The following AUTS2 variants were observed in gnomAD, a reference collection of about 807,000 sequenced individuals.
AUTS2 encodes activator of transcription and developmental regulator AUTS2, also known as autism susceptibility gene 2 protein.
A neutral mutation model predicts 112.4 loss-of-function variants in AUTS2; 17 were observed. That is an observed-to-expected ratio of 0.15 (90% CI 0.10 to 0.23). AUTS2 has a LOEUF of 0.23. Ranked by LOEUF, AUTS2 falls within the 10% of genes least tolerant of loss-of-function variation. The pLI is 1.00. For missense variants in AUTS2, 1,510 were observed against 1,701.6 expected, an observed-to-expected ratio of 0.89 and a Z score of 1.98; for synonymous variants, 751 against 702.7, an observed-to-expected ratio of 1.07 and a Z score of -1.09.
chr7:69,617,601 GA>G (rs1793447294), intron 1 of AUTS2, among the ~76,000 whole-genome samples: 2 of 152,146 alleles, frequency 1.3e-5, no homozygotes, highest in South Asian at 2.1e-4. Context: ...AGAAACAGCA[GA>G]AAGCAACTGT....
intron 15 of AUTS2, chr7:70,783,804 G>C (rs1448650615): frequency 2.0e-5 from 3 of 152,054 alleles, no homozygotes; most frequent in African/African-American, 7.3e-5. Flanking sequence ...TCTCGTCTAG[G>C]ACAAAGCCTG....
intron 4 of AUTS2, among the ~76,000 whole-genome samples, chr7:70,331,190 G>T (rs967186372): frequency 5.9e-5 from 9 of 151,880 alleles, no homozygotes; most frequent in African/African-American, 2.2e-4. Flanking sequence ...GGCTTTTTTT[G>T]GTTGTTAGGC....
At chr7:70,102,196 G>A (rs574280193) in intron 2 of AUTS2, among the ~76,000 whole-genome samples, 220 of 141,962 alleles carry the variant, frequency 1.5e-3, no homozygotes, top group Non-Finnish European at 2.4e-3. Flanking sequence ...TCGGCTCACC[G>A]CAAGCTCTGG....
chr7:70,720,148 T>C (rs1810585952), intron 6 of AUTS2, among the ~76,000 whole-genome samples: 1 of 152,164 alleles, frequency 6.6e-6, no homozygotes, highest in African/African-American at 2.4e-5. Context: ...CGGAGTTTAT[T>C]ATTTAGGCAG....
chr7:70,055,248 A>G (rs1801940490), intron 2 of AUTS2, among the ~76,000 whole-genome samples: 1 of 152,172 alleles, frequency 6.6e-6, no homozygotes. Flanking sequence ...CAGCCTGACA[A>G]ACATGGAGAA....
At chr7:70,541,388 G>A (rs1166746210) in intron 5 of AUTS2, among the ~76,000 whole-genome samples, 4 of 152,146 alleles carry the variant, frequency 2.6e-5, no homozygotes, top group Non-Finnish European at 5.9e-5. Context: ...AAGTTTAATC[G>A]AGTCATTCTT....
chr7:70,730,631 A>G (rs1787329444), intron 6 of AUTS2, among the ~76,000 whole-genome samples: 1 of 152,182 alleles, frequency 6.6e-6, no homozygotes, highest in South Asian at 2.1e-4. Context: ...TGGATATGCC[A>G]CGTTTTGTTT....
At chr7:70,022,155 C>G (rs1419205551) in intron 2 of AUTS2, among the ~76,000 whole-genome samples, 1 of 149,692 alleles carries the variant, frequency 6.7e-6, no homozygotes, top group Non-Finnish European at 1.5e-5. Context: ...GCAAAAACAT[C>G]AGAGAAAGGA....
intron 1 of AUTS2, among the ~76,000 whole-genome samples, chr7:69,608,630 G>A (rs1583930864): frequency 6.6e-6 from 1 of 152,270 alleles, no homozygotes; most frequent in East Asian, 1.9e-4. Flanking sequence ...ATGAAGATGT[G>A]GATAGCACAA....
At chr7:70,084,393 C>T (rs1244049989) in intron 2 of AUTS2, among the ~76,000 whole-genome samples, 1 of 152,150 alleles carries the variant, frequency 6.6e-6, no homozygotes, top group Admixed American at 6.5e-5. Flanking sequence ...TTCTCTTGGA[C>T]AAATAAGAGT....
chr7:70,042,821 A>T (rs1319202624), intron 2 of AUTS2, among the ~76,000 whole-genome samples: 1 of 152,106 alleles, frequency 6.6e-6, no homozygotes, highest in African/African-American at 2.4e-5. Context: ...CCAGTTGCAC[A>T]TTTGCTGTGA....
At chr7:70,537,038 G>C (rs1800353018) in intron 5 of AUTS2, among the ~76,000 whole-genome samples, 1 of 152,112 alleles carries the variant, frequency 6.6e-6, no homozygotes, top group African/African-American at 2.4e-5. Context: ...ACATCCTCAG[G>C]TTCCCAGTTC....
chr7:69,845,698 G>A (rs117354078), intron 1 of AUTS2, among the ~76,000 whole-genome samples: 2,418 of 152,268 alleles, frequency 0.016, 34 homozygotes, highest in Middle Eastern at 0.048. Flanking sequence ...AAGCTGTGCT[G>A]GTGAACTACC....
intron 1 of AUTS2, among the ~76,000 whole-genome samples, chr7:69,746,730 T>C (rs1584179145): frequency 6.6e-6 from 1 of 152,098 alleles, no homozygotes; most frequent in Non-Finnish European, 1.5e-5. Flanking sequence ...ACAGGTCATA[T>C]AGGACCTTGT....
rs547139055 is a variant in AUTS2 at position 70,109,793 on chromosome 7, A to T, written c.523-8339A>T. Among the ~76,000 whole-genome samples the T allele has an allele frequency of 9.2e-5, 14 of 152,300 alleles. No homozygotes were observed. In the South Asian group the frequency reaches 2.9e-3, roughly 32 times the overall value. On this transcript the variant is annotated intron_variant, in intron 2 of 18. Coordinates refer to ENST00000342771, the MANE Select transcript of AUTS2 (RefSeq NM_015570.4). ...GGGGCATGTCCGGTCCCTGTCCCCC[A>T]TCATGGCTTGAATCCGTCCCTCAGG...
chr7:70,382,138 C>T (rs958000301), intron 4 of AUTS2, among the ~76,000 whole-genome samples: 4 of 152,170 alleles, frequency 2.6e-5, no homozygotes, highest in Non-Finnish European at 4.4e-5. Context: ...TCTGTAATCT[C>T]CTCTTCTCTC....
chr7:70,542,598 G>A (rs1800597265), intron 5 of AUTS2, among the ~76,000 whole-genome samples: 1 of 152,176 alleles, frequency 6.6e-6, no homozygotes, highest in South Asian at 2.1e-4. Context: ...AGGCCTCTGG[G>A]GTAAACTTTA....
intron 4 of AUTS2, among the ~76,000 whole-genome samples, chr7:70,341,640 G>A (rs1183502491): frequency 6.6e-6 from 1 of 152,200 alleles, no homozygotes; most frequent in Non-Finnish European, 1.5e-5. Flanking sequence ...GTTCTTTCTA[G>A]TGCAATTAGC....
intron 4 of AUTS2, among the ~76,000 whole-genome samples, chr7:70,162,658 C>T (rs1808154538): frequency 6.6e-6 from 1 of 151,930 alleles, no homozygotes; most frequent in African/African-American, 2.4e-5. Context: ...AAGAGATTCC[C>T]AATCTGATTA....
Sources: gnomAD v4.1 joint callset for allele counts (sites outside exome capture counted in the v4.1 genomes callset) on GRCh38, gnomAD v4.1.1 for gene constraint, MANE v1.5 for transcripts, NCBI Gene and HGNC (gene_info 2026-07-23, HGNC 2026-07-21) for gene names.